The following RECQL variants were observed in gnomAD, a reference collection of about 807,000 sequenced individuals.
The protein encoded by RECQL is ATP-dependent DNA helicase Q1.
A neutral mutation model predicts 75.8 loss-of-function variants in RECQL; 73 were observed. The observed-to-expected ratio is 0.96, with a 90% confidence interval of 0.80 to 1.17. The LOEUF is 1.17. Among genes scored for constraint, RECQL ranks in the 50% most tolerant of loss-of-function variants. The pLI is 0.00. For missense variants in RECQL, 699 were observed against 772.1 expected (o/e 0.91, Z 1.12); for synonymous variants, 248 against 254.4 (o/e 0.97, Z 0.24).
intron 2 of RECQL, among the ~76,000 whole-genome samples, chr12:21,492,812 G>A (rs1271880568): frequency 6.6e-6 from 1 of 152,190 alleles, no homozygotes; most frequent in Non-Finnish European, 1.5e-5. Context: ...TGGCTTCTTG[G>A]TCATGTTGCT....
At chr12:21,499,025 C>T (rs1170673928) in intron 2 of RECQL, among the ~76,000 whole-genome samples, 1 of 152,154 alleles carries the variant, frequency 6.6e-6, no homozygotes, top group Non-Finnish European at 1.5e-5. Context: ...AAATGAGCAT[C>T]ACCCAAAGAC....
At chr12:21,480,354 G>C (rs1408769851) in intron 6 of RECQL, among the ~76,000 whole-genome samples, 1 of 152,148 alleles carries the variant, frequency 6.6e-6, no homozygotes, top group Non-Finnish European at 1.5e-5. Context: ...AGACTACTTA[G>C]GAAGCTGCTG....
intron 4 of RECQL, among the ~76,000 whole-genome samples, 186 bp downstream of exon 4, chr12:21,490,013 A>G (rs1943378260): frequency 1.3e-5 from 2 of 152,172 alleles, no homozygotes; most frequent in South Asian, 4.1e-4. Context: ...CCCTGAATCT[A>G]AAATAAAAAA....
Position 21,483,381 on chromosome 12 carries a change from C to T in RECQL, c.695G>A (p.Arg232Lys), listed in dbSNP as rs1943228560. 1 of 1,600,106 alleles carries T rather than the reference C, an allele frequency of 6.2e-7. No individual in the cohort carries two copies. The highest frequency in any genetic ancestry group is 8.5e-7 in the Non-Finnish European group (1 of 1,175,432). The part of the protein sequence containing the change: ...HCCSQWGHDF[R>K]PDYKALGILK... The stretch of plus-strand genomic sequence containing the variant: ...TCTAGATAAAACATACATACCAGGT[C>T]TGAAATCATGTCCCCACTGACTACA... Residue 232 changes from arginine to lysine, a missense_variant, in exon 6 of 15, where the codon AGA (arginine) becomes AAA (lysine). Around this residue, in one of 2 missense-constraint regions of RECQL, gnomAD observed 669 missense variants for 713.5 expected, o/e 0.94. Coordinates refer to ENST00000444129, the MANE Select transcript of RECQL (RefSeq NM_002907.4).
intron 6 of RECQL, 116 bp downstream of exon 6, chr12:21,483,260 T>C (rs1943225067): frequency 3.9e-6 from 3 of 775,290 alleles, no homozygotes; most frequent in Non-Finnish European, 6.3e-6. Flanking sequence ...ATAACGGATA[T>C]TCAATGTGTA....
At position 21,486,542 on chromosome 12, in the gene RECQL, G is replaced by T; in HGVS notation, c.438C>A (p.Asp146Glu). 1 of 1,600,838 alleles carries T rather than the reference G, an allele frequency of 6.2e-7. No individual in the cohort carries two copies. Reference protein sequence around the residue: ...VICPLISLMEDQLMVLKQLGI... With the variant: ...VICPLISLMEEQLMVLKQLGI... ...CTAATTGTTTTAAAACCATTAATTGGTCTTCCATAAGAGAGATCAATGGGC... is the reference window on the plus strand; with the variant it reads ...CTAATTGTTTTAAAACCATTAATTGTTCTTCCATAAGAGAGATCAATGGGC... The change falls in exon 5 of 15, where the codon GAC (aspartate) becomes GAA (glutamate). Residue 146 changes from aspartate (D) to glutamate (E), a missense_variant. By Grantham distance (45) the Asp-to-Glu change is conservative. Coordinates refer to ENST00000444129, the MANE Select transcript of RECQL (RefSeq NM_002907.4).
intron 4 of RECQL, 36 bp downstream of exon 4, chr12:21,490,163 C>T: frequency 1.6e-6 from 2 of 1,259,494 alleles, no homozygotes; most frequent in Non-Finnish European, 2.2e-6. Flanking sequence ...TGACAAAGCA[C>T]TTCTTCAACT....
rs1422075347 is a variant in RECQL at position 21,475,464 on chromosome 12, A to G, written c.1216+4T>C. Reference sequence around the variant, plus strand: ...ATTTACTTCTGGATTTGAGTCCTACATACCTGCACGTCCACTCTCTTGGTA... The same window carrying G: ...ATTTACTTCTGGATTTGAGTCCTACGTACCTGCACGTCCACTCTCTTGGTA... On this transcript the variant is annotated splice_donor_region_variant and intron_variant, in intron 10 of 14. Transcript: ENST00000444129. The G allele has an allele frequency of 3.8e-6, 6 of 1,579,964 alleles. No individual in the cohort carries two copies. Among genetic ancestry groups the G allele is most frequent in the African/African-American group, 2.7e-5 (2 of 73,966 alleles).
In RECQL at chr12:21,474,902, T is replaced by G. The variant is rs758606621; in HGVS notation, c.1294A>C (p.Met432Leu). 5.6e-6 allele frequency: 9 copies of G among 1,613,240 alleles called. No individual in the cohort carries two copies. Among genetic ancestry groups the G allele is most frequent in the Non-Finnish European group, 6.8e-6 (8 of 1,179,272 alleles). Residue 432 changes from methionine to leucine, a missense_variant, in exon 11 of 15, where the codon ATG becomes CTG. Around this residue, in one of 2 missense-constraint regions of RECQL, gnomAD observed 669 missense variants for 713.5 expected, o/e 0.94. Transcript: ENST00000444129. Reference sequence around the variant, plus strand: ...AGCTTCTGCTGTCCCACATTTTCCATCACCACCATTGAACTTATTCTGAAT... The same window carrying G: ...AGCTTCTGCTGTCCCACATTTTCCAGCACCACCATTGAACTTATTCTGAAT... Reference protein sequence around the residue: ...DIFRISSMVVMENVGQQKLYE... With the variant: ...DIFRISSMVVLENVGQQKLYE...
intron 7 of RECQL, 49 bp downstream of exon 7, chr12:21,477,753 CT>C (rs1268608846): frequency 6.9e-7 from 1 of 1,454,126 alleles, no homozygotes; most frequent in Non-Finnish European, 9.4e-7. Flanking sequence ...GGCAGATCCC[CT>C]CTGCGTAATT....
intron 2 of RECQL, among the ~76,000 whole-genome samples, chr12:21,494,034 C>T (rs1210085022): frequency 6.6e-6 from 1 of 152,180 alleles, no homozygotes; most frequent in Non-Finnish European, 1.5e-5. Context: ...ATACAAGGAG[C>T]ATAGCGCTGG....
At chr12:21,483,764 C>T (rs1177412915) in intron 5 of RECQL, among the ~76,000 whole-genome samples, 190 bp from the exon 6 acceptor site, 1 of 151,998 alleles carries the variant, frequency 6.6e-6, no homozygotes, top group Non-Finnish European at 1.5e-5. Flanking sequence ...GTGTAAATAG[C>T]ATTCTAGTTA....
intron 4 of RECQL, among the ~76,000 whole-genome samples, chr12:21,488,090 C>G (rs1202038951): frequency 6.6e-6 from 1 of 152,204 alleles, no homozygotes; most frequent in Non-Finnish European, 1.5e-5. Context: ...TCAATTCCTA[C>G]CTGCTTCAAA....
At chr12:21,470,906 G>T in intron 14 of RECQL, 63 bp downstream of exon 14, 1 of 1,206,392 alleles carries the variant, frequency 8.3e-7, no homozygotes, top group Non-Finnish European at 1.1e-6. Flanking sequence ...TGACAGAAAA[G>T]CATCCCATAG....
At chr12:21,484,153 C>T (rs1645005177) in intron 5 of RECQL, among the ~76,000 whole-genome samples, 1 of 151,952 alleles carries the variant, frequency 6.6e-6, no homozygotes, top group Non-Finnish European at 1.5e-5. Flanking sequence ...AGTACTCATA[C>T]AATTCTATAC....
chr12:21,480,518 ATT>A, intron 6 of RECQL, among the ~76,000 whole-genome samples: 1 of 148,454 alleles, frequency 6.7e-6, no homozygotes, highest in Admixed American at 6.7e-5. Context: ...TGTGTCATCC[ATT>A]TTTTTTTTGT....
At chr12:21,482,648 A>G (rs955668615) in intron 6 of RECQL, among the ~76,000 whole-genome samples, 1 of 152,226 alleles carries the variant, frequency 6.6e-6, no homozygotes, top group African/African-American at 2.4e-5. Context: ...GGGCAACAGC[A>G]CAGTGTCTGG....
chr12:21,471,796 T>G (rs2137318596), intron 12 of RECQL, 149 bp from the exon 13 acceptor site: 2 of 648,494 alleles, frequency 3.1e-6, no homozygotes, highest in East Asian at 2.7e-5. Flanking sequence ...GAATTAAGAC[T>G]AGGCTATTCC....
chr12:21,471,708 C>T, intron 12 of RECQL, 61 bp from the exon 13 acceptor site: 1 of 1,332,824 alleles, frequency 7.5e-7, no homozygotes, highest in Non-Finnish European at 1.1e-6. Context: ...CAAAGATAGG[C>T]TATCTTAAGT....
Sources: allele counts gnomAD v4.1 joint callset (sites outside exome capture counted in the v4.1 genomes callset), GRCh38; gene constraint gnomAD v4.1.1; regional missense constraint gnomAD v4.1.1; transcripts MANE v1.5; gene names NCBI Gene and HGNC (gene_info 2026-07-23, HGNC 2026-07-21).